The following PEPD variants were observed in gnomAD, a reference collection of about 807,000 sequenced individuals.
The protein encoded by PEPD is peptidase D.
A neutral mutation model predicts 60.7 loss-of-function variants in PEPD; 53 were observed. That is an observed-to-expected ratio of 0.87 (90% CI 0.70 to 1.10). PEPD has a LOEUF of 1.10. Ranked by LOEUF, PEPD falls within the 50% of genes least tolerant of loss-of-function variation. PEPD has a pLI of 0.00. For synonymous variants in PEPD, 267 were observed against 284.1 expected (o/e 0.94, Z 0.60); for missense variants, 711 against 711.9 (o/e 1.00, Z 0.01).
intron 9 of PEPD, among the ~76,000 whole-genome samples, chr19:33,425,297 A>AAAACAAACAAACAAACAAAC (rs113458763): frequency 6.0e-4 from 91 of 151,212 alleles, no homozygotes; most frequent in African/African-American, 2.0e-3. Context: ...ATTCAGTCTC[A>AAAACAAACAAACAAACAAAC]AAACAAACAA....
chr19:33,442,426 C>G (rs1188436981), intron 9 of PEPD, among the ~76,000 whole-genome samples: 1 of 148,172 alleles, frequency 6.7e-6, no homozygotes, highest in African/African-American at 2.5e-5. Flanking sequence ...AAAGCCTGGG[C>G]GCGGTGGCTC....
chr19:33,478,382 T>A (rs1047245405), intron 6 of PEPD, among the ~76,000 whole-genome samples: 10 of 152,064 alleles, frequency 6.6e-5, no homozygotes, highest in African/African-American at 2.4e-4. Flanking sequence ...TATATCAAAA[T>A]ACACACAATA....
At chr19:33,393,909 C>T (rs1274926277) in intron 12 of PEPD, among the ~76,000 whole-genome samples, 1 of 152,262 alleles carries the variant, frequency 6.6e-6, no homozygotes, top group Non-Finnish European at 1.5e-5. Flanking sequence ...CCTGTGATGC[C>T]TCATCCAAGG....
chr19:33,391,698 C>G (rs1036218175), intron 12 of PEPD, among the ~76,000 whole-genome samples: 1 of 152,188 alleles, frequency 6.6e-6, no homozygotes, highest in South Asian at 2.1e-4. Context: ...CCTCGGGACC[C>G]TTCTTGTCCC....
chr19:33,469,392 G>A (rs1202908739), intron 7 of PEPD, among the ~76,000 whole-genome samples: 1 of 152,192 alleles, frequency 6.6e-6, no homozygotes, highest in Non-Finnish European at 1.5e-5. Flanking sequence ...ACCCGCAGGA[G>A]GGCTATTCTC....
intron 3 of PEPD, 77 bp from the exon 4 acceptor site, chr19:33,501,078 C>T: frequency 1.1e-6 from 1 of 889,220 alleles, no homozygotes; most frequent in Non-Finnish European, 1.9e-6. Context: ...GCCTGCCAAG[C>T]CCAGGCCATG....
chr19:33,491,620 C>T (rs1231528034), intron 5 of PEPD, among the ~76,000 whole-genome samples: 2 of 152,224 alleles, frequency 1.3e-5, no homozygotes, highest in South Asian at 2.1e-4. Flanking sequence ...CGTGTCCACC[C>T]TACTGCTGTG....
chr19:33,451,746 C>T (rs1418637267), intron 9 of PEPD, among the ~76,000 whole-genome samples: 2 of 152,184 alleles, frequency 1.3e-5, no homozygotes, highest in African/African-American at 4.8e-5. Flanking sequence ...ACAAACATAG[C>T]AACACCAGTG....
chr19:33,471,411 G>A (rs752824133), intron 7 of PEPD, among the ~76,000 whole-genome samples: 6 of 152,190 alleles, frequency 3.9e-5, no homozygotes, highest in Admixed American at 1.3e-4. Flanking sequence ...AGCATTCCGC[G>A]CAGTTTCTCC....
At chr19:33,488,501 C>A (rs1398577330) in intron 6 of PEPD, among the ~76,000 whole-genome samples, 1 of 152,116 alleles carries the variant, frequency 6.6e-6, no homozygotes, top group Non-Finnish European at 1.5e-5. Flanking sequence ...CTGGGACAGG[C>A]AGCAGCTGGC....
intron 7 of PEPD, among the ~76,000 whole-genome samples, chr19:33,472,761 C>T (rs1970146021): frequency 6.6e-6 from 1 of 152,136 alleles, no homozygotes; most frequent in South Asian, 2.1e-4. Flanking sequence ...TTGAACAAAA[C>T]TCATTTAAAG....
chr19:33,511,329 T>G, intron 2 of PEPD, 174 bp from the exon 3 acceptor site: 1 of 661,770 alleles, frequency 1.5e-6, no homozygotes, highest in South Asian at 1.6e-5. Flanking sequence ...CATCCTCCCG[T>G]AGTTTGGCAG....
chr19:33,443,603 G>A (rs1037846277), intron 9 of PEPD, among the ~76,000 whole-genome samples: 8 of 151,584 alleles, frequency 5.3e-5, no homozygotes, highest in African/African-American at 1.7e-4. Flanking sequence ...AAAAGAAAAC[G>A]ACATAAAAAC....
At chr19:33,407,503 G>C (rs1350956092) in intron 11 of PEPD, among the ~76,000 whole-genome samples, 1 of 152,240 alleles carries the variant, frequency 6.6e-6, no homozygotes, top group Admixed American at 6.5e-5. Flanking sequence ...ACCTGTTCGG[G>C]GCTGGAGTGA....
intron 6 of PEPD, among the ~76,000 whole-genome samples, chr19:33,485,222 G>A (rs1177337448): frequency 6.6e-6 from 1 of 151,882 alleles, no homozygotes; most frequent in South Asian, 2.1e-4. Context: ...GGCTGGGCGC[G>A]CTGACTCACA....
chr19:33,464,092 T>A, intron 7 of PEPD, 30 bp from the exon 8 acceptor site: 1 of 1,530,794 alleles, frequency 6.5e-7, no homozygotes, highest in Non-Finnish European at 9.0e-7. Flanking sequence ...AAGCAGCAAA[T>A]CAGTGACTTT....
chr19:33,448,374 T>C (rs1328660223), intron 9 of PEPD, among the ~76,000 whole-genome samples: 1 of 152,146 alleles, frequency 6.6e-6, no homozygotes, highest in African/African-American at 2.4e-5. Flanking sequence ...CTGGTCCACC[T>C]GCCCAGCTAA....
intron 9 of PEPD, among the ~76,000 whole-genome samples, chr19:33,418,114 G>A (rs1279165952): frequency 6.6e-6 from 1 of 152,208 alleles, no homozygotes; most frequent in East Asian, 1.9e-4. Context: ...GGGCACATAA[G>A]AGGGAGAGAG....
At chr19:33,499,399 C>T (rs995090842) in intron 4 of PEPD, among the ~76,000 whole-genome samples, 8 of 152,284 alleles carry the variant, frequency 5.3e-5, no homozygotes, top group African/African-American at 1.4e-4. Context: ...CACCACCCTG[C>T]GGTGACTGTT....
Sources: gnomAD v4.1 joint callset for allele counts (sites outside exome capture counted in the v4.1 genomes callset) on GRCh38, gnomAD v4.1.1 for gene constraint, MANE v1.5 for transcripts, NCBI Gene and HGNC (gene_info 2026-07-23, HGNC 2026-07-21) for gene names.